Variants in FN3KRP observed in about 807,000 individuals in gnomAD.
FN3KRP encodes the protein fructosamine 3 kinase related protein, also known as ketosamine-3-kinase.
FN3KRP carries 33 observed loss-of-function variants against 29.8 expected under a neutral mutation model. That is an observed-to-expected ratio of 1.11 (90% confidence interval 0.84 to 1.48). The LOEUF (loss-of-function observed/expected upper bound fraction) is 1.48. FN3KRP is among the 40% of genes most tolerant of loss of function. The pLI is 0.00. For synonymous variants in FN3KRP, 157 were observed against 155.2 expected (o/e 1.01, Z -0.09); for missense variants, 430 against 402.6 (o/e 1.07, Z -0.58).
intron 1 of FN3KRP, 93 bp downstream of exon 1, chr17:82,716,989 C>G (rs1177510468): frequency 6.2e-6 from 9 of 1,450,774 alleles, no homozygotes; most frequent in Non-Finnish European, 8.2e-6. Flanking sequence ...CTTCTCCCGC[C>G]GGAGGCCGTG....
chr17:82,724,771 A>G (rs776248870), intron 4 of FN3KRP, among the ~76,000 whole-genome samples: 3 of 152,168 alleles, frequency 2.0e-5, no homozygotes, highest in Admixed American at 1.3e-4. Flanking sequence ...ACTTGGGACA[A>G]CGATCTTTAT....
In FN3KRP at chr17:82,727,254, C is replaced by T; in HGVS notation, c.*83C>T. 1 of 1,209,170 alleles carries T rather than the reference C, an allele frequency of 8.3e-7. No homozygotes were observed. The highest frequency in any genetic ancestry group is 1.4e-5 in the South Asian group (1 of 69,744). 74.9% of individuals were successfully genotyped at this position (1,209,170 alleles called of 1,614,324 possible). ...AATTCTTGTTTCTTCACATGCTGGACTAGCTTAAGACCAATGCAGTAGCTT... is the reference window on the plus strand; with the variant it reads ...AATTCTTGTTTCTTCACATGCTGGATTAGCTTAAGACCAATGCAGTAGCTT... On this transcript the variant is annotated 3_prime_UTR_variant, in exon 6 of 6. Coordinates refer to ENST00000269373, the MANE Select transcript of FN3KRP (RefSeq NM_024619.4).
chr17:82,726,776 G>A (rs377202889), intron 5 of FN3KRP, 57 bp from the exon 6 acceptor site: 7 of 1,495,450 alleles, frequency 4.7e-6, no homozygotes, highest in Admixed American at 2.3e-5. Flanking sequence ...GACCTGGAGC[G>A]GCGCCCCTCA....
At position 82,726,946 on chromosome 17, in the gene FN3KRP, A is replaced by G. The variant is rs1312814139; in HGVS notation, c.705A>G (p.Pro235=). The G allele has an allele frequency of 6.2e-7, 1 of 1,613,286 alleles. No individual in the cohort carries two copies. The highest frequency in any genetic ancestry group is 1.1e-5 in the South Asian group (1 of 91,068). The stretch of plus-strand genomic sequence containing the variant: ...CCTCTGGGCCGGTGATTTTTGACCC[A>G]GCTTCTTTCTACGGCCACTCGGAAT... The part of the protein sequence containing the change: ...EDSSGPVIFD[P]ASFYGHSEYE... The change falls in exon 6 of 6, where the codon CCA becomes CCG. Residue 235 remains proline, a synonymous_variant. Coordinates refer to ENST00000269373, the MANE Select transcript of FN3KRP (RefSeq NM_024619.4).
chr17:82,716,940 G>A lies in FN3KRP; in HGVS notation c.141+44G>A, dbSNP rs552550903. The A allele has an allele frequency of 1.3e-4, 208 of 1,550,020 alleles. 1 individual carries two copies. In the South Asian group the frequency reaches 2.4e-3, roughly 18 times the overall value. On this transcript the variant is annotated intron_variant, in intron 1 of 5. Transcript: ENST00000269373. ...CGGGCCGGGGGACCGGTTTCTTTCCGGAGAGGGTCGCGGGCCTCGGCGCGG... is the reference window on the plus strand; with the variant it reads ...CGGGCCGGGGGACCGGTTTCTTTCCAGAGAGGGTCGCGGGCCTCGGCGCGG...
intron 4 of FN3KRP, among the ~76,000 whole-genome samples, chr17:82,723,482 G>C (rs773557175): frequency 6.6e-6 from 1 of 151,708 alleles, no homozygotes; most frequent in Non-Finnish European, 1.5e-5. Context: ...CCTTCGTCTC[G>C]TGGCTGTACT....
rs1308216904 is a variant in FN3KRP, at chr17:82,727,336, C to T, written c.*165C>T. On this transcript the variant is annotated 3_prime_UTR_variant, in exon 6 of 6. Transcript: ENST00000269373. ...AAGAGGAAAGGTTTTGTCATCCCAG[C>T]GTTGTCCACTTTGTGGGGCTTTGTA... 8 of 651,576 alleles carry T rather than the reference C, an allele frequency of 1.2e-5. No individual in the cohort carries two copies. The highest frequency in any genetic ancestry group is 4.3e-5 in the South Asian group (2 of 46,538). The allele number at this position is 651,576 out of a possible 1,614,324, so 40.4% of individuals were successfully genotyped here.
At chr17:82,726,450 G>A (rs2046837566) in intron 4 of FN3KRP, 30 bp from the exon 5 acceptor site, 3 of 1,605,418 alleles carry the variant, frequency 1.9e-6, no homozygotes, top group African/African-American at 1.3e-5. Context: ...GCATTTTCCA[G>A]TGAACTGTGC....
chr17:82,726,400 T>G, intron 4 of FN3KRP, 80 bp from the exon 5 acceptor site: 18 of 1,539,172 alleles, frequency 1.2e-5, no homozygotes, highest in Middle Eastern at 1.7e-4. Flanking sequence ...CCTCTCCACT[T>G]TGAGATGCTT....
At chr17:82,726,768 C>A in intron 5 of FN3KRP, 65 bp from the exon 6 acceptor site, 5 of 1,486,120 alleles carry the variant, frequency 3.4e-6, no homozygotes, top group Non-Finnish European at 4.5e-6. Flanking sequence ...GCGGTGGGGA[C>A]CTGGAGCGGC....
rs528835266 is a variant in FN3KRP at position 82,727,368 on chromosome 17, C to T, written c.*197C>T. 14 of 553,416 alleles carry T rather than the reference C, an allele frequency of 2.5e-5. No individual in the cohort carries two copies. The highest frequency in any genetic ancestry group is 3.8e-5 in the African/African-American group (2 of 53,198). The allele number at this position is 553,416 out of a possible 1,614,324, so 34.3% of individuals were successfully genotyped here. ...CACTTTGTGGGGCTTTGTAGGTAGA[C>T]GGAGCCACACTACAGGCAGGGTATG... On this transcript the variant is annotated 3_prime_UTR_variant, in exon 6 of 6. Transcript: ENST00000269373.
At chr17:82,718,353 G>T (rs908971663) in intron 1 of FN3KRP, 6 of 960,426 alleles carry the variant, frequency 6.2e-6, no homozygotes, top group Non-Finnish European at 6.2e-6. Context: ...AGTTGCTGTG[G>T]TCCCGGGGAG....
chr17:82,725,225 C>T (rs1421004755), intron 4 of FN3KRP, among the ~76,000 whole-genome samples: 1 of 151,818 alleles, frequency 6.6e-6, no homozygotes, highest in East Asian at 1.9e-4. Context: ...ACTTTCTGGG[C>T]TCAAGCCATC....
intron 4 of FN3KRP, among the ~76,000 whole-genome samples, chr17:82,723,875 A>G (rs76654008): frequency 0.011 from 1,639 of 151,816 alleles, 34 homozygotes; most frequent in African/African-American, 0.038. Context: ...GGCTGTCTGG[A>G]CAGATGTCAG....
At chr17:82,726,341 C>G (rs1200264032) in intron 4 of FN3KRP, 139 bp from the exon 5 acceptor site, 1 of 1,012,488 alleles carries the variant, frequency 9.9e-7, no homozygotes, top group Non-Finnish European at 1.5e-6. Flanking sequence ...TGTGGTTCCC[C>G]CCTCAGGCTC....
At chr17:82,718,044 G>T (rs2046771249) in intron 1 of FN3KRP, among the ~76,000 whole-genome samples, 1 of 143,184 alleles carries the variant, frequency 7.0e-6, no homozygotes, top group Admixed American at 7.0e-5. Context: ...GACCTGTTCT[G>T]CGGGGATCAC....
At chr17:82,724,706 G>GC (rs1323837962) in intron 4 of FN3KRP, among the ~76,000 whole-genome samples, 2 of 152,174 alleles carry the variant, frequency 1.3e-5, no homozygotes, top group Non-Finnish European at 2.9e-5. Context: ...TGCTGCATGT[G>GC]TGCCAACCAG....
At chr17:82,720,439 C>A in intron 3 of FN3KRP, 76 bp downstream of exon 3, 8 of 1,209,418 alleles carry the variant, frequency 6.6e-6, no homozygotes, top group Non-Finnish European at 9.4e-6. Flanking sequence ...GAGCGGGGGC[C>A]GTGCAGCAGC....
chr17:82,719,444 G>A (rs553224926), intron 2 of FN3KRP, among the ~76,000 whole-genome samples: 2 of 152,392 alleles, frequency 1.3e-5, no homozygotes, highest in East Asian at 1.9e-4. Context: ...ATCTCCCAAA[G>A]TGAGATGCTG....
Sources: gnomAD v4.1 joint callset for allele counts (sites outside exome capture counted in the v4.1 genomes callset) on GRCh38, gnomAD v4.1.1 for gene constraint, MANE v1.5 for transcripts, NCBI Gene and HGNC (gene_info 2026-07-23, HGNC 2026-07-21) for gene names.